NFIC: variants seen among roughly 807,000 people sequenced by gnomAD.
The protein encoded by NFIC is nuclear factor 1 C-type.
In NFIC, 12 loss-of-function variants were observed where a neutral mutation model predicts 54.4. That is an observed-to-expected ratio of 0.22 (90% CI 0.14 to 0.36). NFIC has a LOEUF of 0.36. Ranked by LOEUF, NFIC falls within the 10% of genes least tolerant of loss-of-function variation. NFIC has a pLI of 1.00. For synonymous variants in NFIC, 322 were observed against 319.2 expected, an observed-to-expected ratio of 1.01 and a Z score of -0.09; for missense variants, 575 against 718.2, an observed-to-expected ratio of 0.80 and a Z score of 2.28.
intron 2 of NFIC, among the ~76,000 whole-genome samples, chr19:3,407,797 G>T (rs183975880): frequency 1.3e-5 from 2 of 152,264 alleles, no homozygotes; most frequent in Admixed American, 6.5e-5. Flanking sequence ...ACAAACGTTT[G>T]CAGAAAGGGC....
At position 3,458,402 on chromosome 19, in the gene NFIC, A is replaced by C. The variant is rs76924046; in HGVS notation, c.1509+1767A>C. Among the ~76,000 whole-genome samples the C allele has an allele frequency of 0.012, 1,829 of 151,838 alleles. 71 individuals carry two copies. The East Asian group carries it at 0.12, about 10-fold the overall frequency. On this transcript the variant is annotated intron_variant, in intron 10 of 10. Coordinates refer to ENST00000443272, the MANE Select transcript of NFIC (RefSeq NM_001245002.2). This position sits in a 1 kb window ranked among gnomAD's most constrained non-coding sequence, Gnocchi z 4.1. ...GGTGGGAGGAGGCCCAGCCCGCTTA[A>C]CCCTTCCCCAGCCTCTGCCTTGGAC...
At chr19:3,456,918 G>A (rs2121933406) in intron 10 of NFIC, 1 of 497,804 alleles carries the variant, frequency 2.0e-6, no homozygotes, top group African/African-American at 1.9e-5. Context: ...TATGGGACCA[G>A]TGTCATTACC....
At chr19:3,454,219 C>T (rs1245432266) in intron 9 of NFIC, 5 of 1,210,566 alleles carry the variant, frequency 4.1e-6, no homozygotes, top group Non-Finnish European at 4.1e-6. Context: ...CCTGGTATGT[C>T]AGGCAGCTGA....
chr19:3,386,070 T>C (rs1225933525), intron 2 of NFIC, among the ~76,000 whole-genome samples: 1 of 151,628 alleles, frequency 6.6e-6, no homozygotes, highest in Non-Finnish European at 1.5e-5. Flanking sequence ...TCCCTGGACA[T>C]AGAATGTCTT....
chr19:3,403,821 C>T (rs990362331), intron 2 of NFIC, among the ~76,000 whole-genome samples: 6 of 151,018 alleles, frequency 4.0e-5, no homozygotes, highest in Non-Finnish European at 8.9e-5. Context: ...TCCGCCTCCT[C>T]CCGCCACCCC....
intron 1 of NFIC, among the ~76,000 whole-genome samples, chr19:3,377,656 G>A (rs2081131961): frequency 6.6e-6 from 1 of 151,938 alleles, no homozygotes; most frequent in African/African-American, 2.4e-5. Flanking sequence ...CTATCCCCCA[G>A]GCTGGAGTGC....
At chr19:3,454,238 A>T (rs2121913927) in intron 9 of NFIC, 1 of 1,178,014 alleles carries the variant, frequency 8.5e-7, no homozygotes, top group South Asian at 3.7e-5. Context: ...GACAGTGGAC[A>T]CGGATCTCAC....
intron 1 of NFIC, among the ~76,000 whole-genome samples, chr19:3,379,766 T>G (rs547669119): frequency 7.0e-6 from 1 of 143,674 alleles, no homozygotes; most frequent in African/African-American, 2.7e-5. Flanking sequence ...CTTGGCTCAC[T>G]GCAGCCTTGA....
chr19:3,362,206 G>T (rs1389198403), upstream of NFIC, among the ~76,000 whole-genome samples: 2 of 152,146 alleles, frequency 1.3e-5, no homozygotes, highest in East Asian at 3.9e-4. Flanking sequence ...ATACCGGGGG[G>T]TTCCACTTGT....
rs150304662 is a variant in NFIC, at chr19:3,414,592, CTAAAATAAAATAAAATAAAATAAAA to C, written c.563-10480_563-10456del. Among the ~76,000 whole-genome samples, 853 of 131,750 alleles carry C rather than the reference CTAAAATAAAATAAAATAAAATAAAA, an allele frequency of 6.5e-3. 4 individuals are homozygous for C. The highest frequency in any genetic ancestry group is 0.01 in the African/African-American group (351 of 34,290). The allele number at this position is 131,750 out of a possible 152,430, so 86.4% of individuals were successfully genotyped here. A position where few individuals can be genotyped will look rare whatever the true frequency, so the allele number is the denominator to read the frequency against. ...TCTGGGAGACGGGGCGAGACTGCAT[CTAAAATAAAATAAAATAAAATAAAA>C]TAAAATAAAATAAAATAAAATAAAA... is the stretch of plus-strand genomic sequence containing the variant. On this transcript the variant is annotated intron_variant, in intron 2 of 10. Coordinates refer to ENST00000443272, the MANE Select transcript of NFIC (RefSeq NM_001245002.2).
chr19:3,420,556 A>AAAAAAAAAAAAT (rs1555751892), intron 2 of NFIC, among the ~76,000 whole-genome samples: 81 of 142,744 alleles, frequency 5.7e-4, no homozygotes, highest in Non-Finnish European at 7.7e-4. Context: ...CCATCTCAAA[A>AAAAAAAAAAAAT]AAATAAATAA....
rs1054757839 is a variant in NFIC, at chr19:3,380,031, T to C, written c.31-1681T>C. Among the ~76,000 whole-genome samples, 46 of 151,460 alleles carry C rather than the reference T, an allele frequency of 3.0e-4. 1 individual carries two copies. The highest frequency in any genetic ancestry group is 2.6e-3 in the Admixed American group (39 of 15,150). On this transcript the variant is annotated intron_variant, in intron 1 of 10. Coordinates refer to ENST00000443272, the MANE Select transcript of NFIC (RefSeq NM_001245002.2). Reference sequence around the variant, plus strand: ...TGTTTTGTTTTTTGAGATGGAGTCTTGCTCTGTCGCCCAGGCTGGAGTGCA... The same window carrying C: ...TGTTTTGTTTTTTGAGATGGAGTCTCGCTCTGTCGCCCAGGCTGGAGTGCA...
At chr19:3,389,475 TG>T (rs1465398919) in intron 2 of NFIC, among the ~76,000 whole-genome samples, 1 of 152,172 alleles carries the variant, frequency 6.6e-6, no homozygotes, top group East Asian at 1.9e-4. Flanking sequence ...GGTGCTGCAC[TG>T]GGGAGACAGG....
At position 3,458,807 on chromosome 19, in the gene NFIC, G is replaced by C. The variant is rs1408466311; in HGVS notation, c.1509+2172G>C. Among the ~76,000 whole-genome samples the C allele has an allele frequency of 6.6e-6, 1 of 152,078 alleles. No homozygotes were observed. The highest frequency in any genetic ancestry group is 2.1e-4 in the South Asian group (1 of 4,834). ...GAGGGAGGGAGTGGACACCCACCAGGCCTGGGAGTCAGAACTTTCTGGAGC... is the reference window on the plus strand; with the variant it reads ...GAGGGAGGGAGTGGACACCCACCAGCCCTGGGAGTCAGAACTTTCTGGAGC... On this transcript the variant is annotated intron_variant, in intron 10 of 10. Coordinates refer to ENST00000443272, the MANE Select transcript of NFIC (RefSeq NM_001245002.2). This position sits in a 1 kb window ranked among gnomAD's most constrained non-coding sequence, Gnocchi z 4.1.
intron 6 of NFIC, among the ~76,000 whole-genome samples, chr19:3,437,051 A>G (rs2082214295): frequency 6.6e-6 from 1 of 152,126 alleles, no homozygotes; most frequent in South Asian, 2.1e-4. Flanking sequence ...ACGGGAGGTC[A>G]CTGTCATCCA....
intron 6 of NFIC, among the ~76,000 whole-genome samples, chr19:3,437,285 A>G (rs898834862): frequency 2.6e-5 from 4 of 151,868 alleles, no homozygotes; most frequent in East Asian, 1.9e-4. Flanking sequence ...GGAGAATGGC[A>G]TGAACCCGGG....
chr19:3,466,671 T>TC lies in NFIC; in HGVS notation c.*3903dup, dbSNP rs1460150216. 1 of 151,728 alleles carries TC rather than the reference T, an allele frequency of 6.6e-6. No individual in the cohort carries two copies. The highest frequency in any genetic ancestry group is 2.4e-5 in the African/African-American group (1 of 41,150). The allele number at this position is 151,728 out of a possible 1,614,324, so 9.4% of individuals were successfully genotyped here. ...GCTGATTTCTAGCTTTTTTTTTTTTTCTGCCCCACTCCTGAGCAAATCTGT... is the reference window on the plus strand; with the variant it reads ...GCTGATTTCTAGCTTTTTTTTTTTTTCCTGCCCCACTCCTGAGCAAATCTGT... On this transcript the variant is annotated 3_prime_UTR_variant, in exon 11 of 11. Coordinates refer to ENST00000443272, the MANE Select transcript of NFIC (RefSeq NM_001245002.2). The surrounding 1 kb of genome is among the most constrained non-coding windows in gnomAD (Gnocchi z 4.8).
intron 6 of NFIC, among the ~76,000 whole-genome samples, chr19:3,446,765 C>G (rs538989284): frequency 1.3e-5 from 2 of 152,332 alleles, no homozygotes; most frequent in South Asian, 4.1e-4. Context: ...GGCACTGTGG[C>G]TCACGCCTGT....
In NFIC at chr19:3,463,796, C is replaced by CT. The variant is rs1297648184; in HGVS notation, c.*1027_*1028insT. ...TGGGGGTGCCCGTCTGGAGCGCCCC[C>CT]GTCAGCCCCTGGCGGTGGGAGGTGA... On this transcript the variant is annotated 3_prime_UTR_variant, in exon 11 of 11. Coordinates refer to ENST00000443272, the MANE Select transcript of NFIC (RefSeq NM_001245002.2). 1.0e-6 allele frequency: 1 copy of CT among 985,340 alleles called. No individual in the cohort carries two copies. Among genetic ancestry groups the CT allele is most frequent in the Non-Finnish European group, 1.2e-6 (1 of 829,926 alleles). The allele number at this position is 985,340 out of a possible 1,614,324, so 61.0% of individuals were successfully genotyped here.
Sources: allele counts gnomAD v4.1 joint callset (sites outside exome capture counted in the v4.1 genomes callset), GRCh38; gene constraint gnomAD v4.1.1; non-coding constraint Gnocchi (gnomAD v3.1); transcripts MANE v1.5; gene names NCBI Gene and HGNC (gene_info 2026-07-23, HGNC 2026-07-21).